Variants in COL4A2 observed in about 807,000 individuals in gnomAD.
COL4A2 encodes the protein collagen alpha-2(IV) chain.
COL4A2 carries 99 observed loss-of-function variants against 200.2 expected under a neutral mutation model. The ratio of observed to expected loss-of-function variants is 0.49; its 90% CI spans 0.42 to 0.58. The LOEUF is 0.58. Among genes scored for constraint, COL4A2 ranks in the 20% least tolerant of loss-of-function variants. The pLI, the probability that COL4A2 is intolerant of heterozygous loss-of-function variation, is 0.00. For synonymous variants in COL4A2, 897 were observed against 900.6 expected (o/e 1.00, Z 0.07); for missense variants, 1,950 against 2,314.1 (o/e 0.84, Z 3.23).
chr13:110,310,958 T>C (rs1284229337), intron 3 of COL4A2, among the ~76,000 whole-genome samples: 1 of 152,194 alleles, frequency 6.6e-6, no homozygotes, highest in East Asian at 1.9e-4. Flanking sequence ...TGAGACGGAT[T>C]AGAACCCAGG....
At chr13:110,482,689 C>G in intron 32 of COL4A2, 30 bp downstream of exon 32, 1 of 1,605,018 alleles carries the variant, frequency 6.2e-7, no homozygotes, top group East Asian at 2.2e-5. Flanking sequence ...TCCTCCTTAC[C>G]TGGTCATGGT....
At chr13:110,488,777 AC>A (rs1361451410) in intron 34 of COL4A2, among the ~76,000 whole-genome samples, 2 of 152,202 alleles carry the variant, frequency 1.3e-5, no homozygotes, top group African/African-American at 4.8e-5. Flanking sequence ...GACGGGGTCC[AC>A]CATGTGCACG....
chr13:110,398,584 T>C (rs190525865), intron 4 of COL4A2, among the ~76,000 whole-genome samples: 1 of 152,130 alleles, frequency 6.6e-6, no homozygotes. Flanking sequence ...TCACAGCTAC[T>C]TGGGAGGCTG....
intron 4 of COL4A2, among the ~76,000 whole-genome samples, chr13:110,416,274 T>C (rs1880040675): frequency 2.0e-5 from 3 of 152,254 alleles, no homozygotes; most frequent in Admixed American, 2.0e-4. Context: ...GCTCTCTGCA[T>C]GCTGCCTGCA....
chr13:110,426,293 C>T (rs1356850382), intron 6 of COL4A2, among the ~76,000 whole-genome samples: 1 of 152,138 alleles, frequency 6.6e-6, no homozygotes, highest in Non-Finnish European at 1.5e-5. Flanking sequence ...ACCAAGTTTC[C>T]TTCATGTTTC....
At chr13:110,430,804 T>A in intron 10 of COL4A2, 197 bp downstream of exon 10, 1 of 858,808 alleles carries the variant, frequency 1.2e-6, no homozygotes, top group Non-Finnish European at 2.0e-6. Context: ...AATAAGGGCT[T>A]AAAATTATGG....
chr13:110,458,090 C>A (rs1304014400), intron 21 of COL4A2: 2 of 468,346 alleles, frequency 4.3e-6, no homozygotes, highest in Admixed American at 2.4e-5. Context: ...CTGGGACTTA[C>A]CACGTCTTGG....
chr13:110,397,666 C>T (rs1191892996), intron 4 of COL4A2, among the ~76,000 whole-genome samples: 1 of 152,076 alleles, frequency 6.6e-6, no homozygotes, highest in Non-Finnish European at 1.5e-5. Flanking sequence ...ATGTGGACCA[C>T]GCAGAAAGCG....
At chr13:110,486,953 G>C (rs2139530841) in intron 34 of COL4A2, among the ~76,000 whole-genome samples, 1 of 152,340 alleles carries the variant, frequency 6.6e-6, no homozygotes, top group East Asian at 1.9e-4. Context: ...TGTACGTGCA[G>C]GTCACAGGGG....
At chr13:110,442,448 A>G (rs1304734761) in intron 16 of COL4A2, among the ~76,000 whole-genome samples, 1 of 152,230 alleles carries the variant, frequency 6.6e-6, no homozygotes, top group Admixed American at 6.5e-5. Flanking sequence ...CCAGGTGGCC[A>G]TCACTCCATG....
rs763117132 is a variant in COL4A2, at chr13:110,484,957, A to T, written c.2955A>T (p.Gly985=). 19 of 1,613,174 alleles carry T rather than the reference A, an allele frequency of 1.2e-5. No homozygotes were observed. The East Asian group carries it at 4.2e-4, about 36-fold the overall frequency. Residue 985 remains glycine (G), a synonymous_variant, in exon 33 of 48, where the codon GGA becomes GGT. Coordinates refer to ENST00000360467, the MANE Select transcript of COL4A2 (RefSeq NM_001846.4). ...PPGPPPVILP[G]MKDIKGEKGD... ...GACCACCTCCTGTCATCCTGCCAGG[A>T]ATGAAAGACATTAAAGGAGAGAAAG...
At position 110,362,023 on chromosome 13, in the gene COL4A2, A is replaced by G. The variant is rs146278911; in HGVS notation, c.180+4471A>G. Among the ~76,000 whole-genome samples, 498 of 152,264 alleles carry G rather than the reference A, an allele frequency of 3.3e-3. 3 individuals carry two copies. Among genetic ancestry groups the G allele is most frequent in the African/African-American group, 0.012 (482 of 41,562 alleles). On this transcript the variant is annotated intron_variant, in intron 4 of 47. Coordinates refer to ENST00000360467, the MANE Select transcript of COL4A2 (RefSeq NM_001846.4). ...TTAGACAAATTCTTTTTCCAGCATA[A>G]TCATCTTCTGTGTCCGTACTCCTCT... is the stretch of plus-strand genomic sequence containing the variant.
At chr13:110,403,941 C>T (rs1879468813) in intron 4 of COL4A2, among the ~76,000 whole-genome samples, 1 of 152,216 alleles carries the variant, frequency 6.6e-6, no homozygotes, top group African/African-American at 2.4e-5. Flanking sequence ...TAAGAGCTCT[C>T]TGCTTCATAG....
At chr13:110,487,240 T>C (rs983305008) in intron 34 of COL4A2, among the ~76,000 whole-genome samples, 3 of 152,220 alleles carry the variant, frequency 2.0e-5, no homozygotes, top group African/African-American at 4.8e-5. Flanking sequence ...TCACTTGTGG[T>C]CAGGAGATCG....
intron 3 of COL4A2, among the ~76,000 whole-genome samples, chr13:110,309,059 C>T (rs896448690): frequency 4.6e-5 from 7 of 152,168 alleles, no homozygotes; most frequent in Non-Finnish European, 7.4e-5. Flanking sequence ...CTCCTCAGCG[C>T]GCACTGTGCC....
chr13:110,469,192 G>T, intron 27 of COL4A2, 25 bp from the exon 28 acceptor site: 1 of 1,564,264 alleles, frequency 6.4e-7, no homozygotes, highest in Admixed American at 1.9e-5. Context: ...GCCTGATGTG[G>T]TTTGTGGTTT....
At chr13:110,358,439 T>A (rs1430262649) in intron 4 of COL4A2, among the ~76,000 whole-genome samples, 1 of 152,204 alleles carries the variant, frequency 6.6e-6, no homozygotes, top group Non-Finnish European at 1.5e-5. Context: ...AGTTAACATA[T>A]GTACACATAT....
intron 4 of COL4A2, among the ~76,000 whole-genome samples, chr13:110,370,587 G>A (rs1009632743): frequency 3.9e-5 from 6 of 152,102 alleles, no homozygotes; most frequent in Non-Finnish European, 7.4e-5. Context: ...TGTTGTTGTT[G>A]TTTTTCTGCT....
rs774230815 is a variant in COL4A2, at chr13:110,508,127, C to T, written c.4787C>T (p.Pro1596Leu). The T allele has an allele frequency of 1.1e-5, 18 of 1,614,142 alleles. No homozygotes were observed. Among genetic ancestry groups the T allele is most frequent in the African/African-American group, 2.7e-5 (2 of 74,956 alleles). Reference protein sequence around the residue: ...YISRCSVCEAPAIAIAVHSQD... With the variant: ...YISRCSVCEALAIAIAVHSQD... ...AGCCGCTGTTCTGTGTGTGAGGCCC[C>T]GGCCATCGCCATCGCGGTCCACAGT... is the stretch of plus-strand genomic sequence containing the variant. The change falls in exon 47 of 48, where the codon CCG becomes CTG. Residue 1596 changes from proline (P) to leucine (L), a missense_variant. Physicochemically the swap from Pro to Leu is moderately conservative, Grantham distance 98 (BLOSUM62 -3). Around this residue, in one of 2 missense-constraint regions of COL4A2, gnomAD observed 1,385 missense variants for 1,720.5 expected, o/e 0.80. Coordinates refer to ENST00000360467, the MANE Select transcript of COL4A2 (RefSeq NM_001846.4). The surrounding 1 kb of genome is among the most constrained non-coding windows in gnomAD (Gnocchi z 6.1).
Sources: allele counts gnomAD v4.1 joint callset (sites outside exome capture counted in the v4.1 genomes callset), GRCh38; gene constraint gnomAD v4.1.1; regional missense constraint gnomAD v4.1.1; non-coding constraint Gnocchi (gnomAD v3.1); transcripts MANE v1.5; gene names NCBI Gene and HGNC (gene_info 2026-07-23, HGNC 2026-07-21).